OTULINL: variants seen among roughly 807,000 people sequenced by gnomAD.
OTULINL encodes the protein inactive ubiquitin thioesterase OTULINL.
OTULINL carries 42 observed loss-of-function variants against 43.9 expected under a neutral mutation model. The observed-to-expected ratio is 0.96, with a 90% CI of 0.75 to 1.24. The LOEUF (loss-of-function observed/expected upper bound fraction) is 1.24. Among genes scored for constraint, OTULINL ranks in the 50% most tolerant of loss-of-function variants. The probability of loss-of-function intolerance (pLI) is 0.00; values close to 1 mark genes in which losing one functional copy is unlikely to be tolerated. For synonymous variants in OTULINL, 172 were observed against 153.6 expected, an observed-to-expected ratio of 1.12 and a Z score of -0.88; for missense variants, 411 against 426.4, an observed-to-expected ratio of 0.96 and a Z score of 0.32.
rs1759641622 is a variant in OTULINL, at chr5:14,614,678, G to A, written c.*4364G>A. 1 of 398,664 alleles carries A rather than the reference G, an allele frequency of 2.5e-6. No homozygotes were observed. The highest frequency in any genetic ancestry group is 4.4e-6 in the Non-Finnish European group (1 of 226,086). The allele number at this position is 398,664 out of a possible 1,614,324, so 24.7% of individuals were successfully genotyped here. On this transcript the variant is annotated 3_prime_UTR_variant, in exon 8 of 8. Transcript: ENST00000274217. The stretch of plus-strand genomic sequence containing the variant: ...AGCCCGAAGTGTACACCATGTCTCT[G>A]CACTTGAAGCTCATGGAATGTGTTG...
intron 1 of OTULINL, among the ~76,000 whole-genome samples, chr5:14,588,299 T>G (rs561369313): frequency 6.6e-6 from 1 of 152,124 alleles, no homozygotes; most frequent in Non-Finnish European, 1.5e-5. Flanking sequence ...ATGGCCTGGC[T>G]TCCTTATGTT....
At position 14,600,984 on chromosome 5, in the gene OTULINL, C is replaced by G; in HGVS notation, c.84C>G (p.Ser28=). Reference sequence around the variant, plus strand: ...TCATAGGAAGTGACCAAGTTCACTCCTGGATGCTAGCTACAAGCCAAGCCT... The same window carrying G: ...TCATAGGAAGTGACCAAGTTCACTCGTGGATGCTAGCTACAAGCCAAGCCT... The part of the protein sequence containing the change: ...APAAGSDQVH[S]WMLATSQALD... The change falls in exon 2 of 8, where the codon TCC becomes TCG. Residue 28 remains serine (S), a synonymous_variant. Transcript: ENST00000274217. 1 of 1,505,576 alleles carries G rather than the reference C, an allele frequency of 6.6e-7. No homozygotes were observed. Among genetic ancestry groups the G allele is most frequent in the Non-Finnish European group, 8.9e-7 (1 of 1,129,894 alleles). 93.3% of individuals were successfully genotyped at this position (1,505,576 alleles called of 1,614,324 possible).
chr5:14,595,526 A>ATG lies in OTULINL; in HGVS notation c.65-5429_65-5428dup, dbSNP rs530223500. Among the ~76,000 whole-genome samples the ATG allele has an allele frequency of 1.7e-4, 24 of 143,184 alleles. 1 individual carries two copies. In the South Asian group the frequency reaches 5.3e-3, roughly 31 times the overall value. The allele number at this position is 143,184 out of a possible 152,430, so 93.9% of individuals were successfully genotyped here. A position where few individuals can be genotyped will look rare whatever the true frequency, so the allele number is the denominator to read the frequency against. ...AGTTTTGTTTTCAGGGTTTTGGGGT[A>ATG]TGTGTGTGTGTATTTGGTTTCCTGT... On this transcript the variant is annotated intron_variant, in intron 1 of 7. Transcript: ENST00000274217.
chr5:14,597,671 G>A (rs998495239), intron 1 of OTULINL, among the ~76,000 whole-genome samples: 4 of 152,194 alleles, frequency 2.6e-5, no homozygotes, highest in Non-Finnish European at 5.9e-5. Flanking sequence ...TGAACAGCTC[G>A]TATAGATCCT....
At chr5:14,608,680 A>G (rs1321095912) in intron 6 of OTULINL, 68 bp from the exon 7 acceptor site, 1 of 1,229,806 alleles carries the variant, frequency 8.1e-7, no homozygotes. Context: ...TAAATACATT[A>G]AAAGTTATGG....
rs1257681069 is a variant in OTULINL at position 14,612,855 on chromosome 5, T to A, written c.*2541T>A. ...GGCCTTACGTGTCCATACTGAGGGG[T>A]TGTATGCATATTAGTACAAGGCTGA... On this transcript the variant is annotated 3_prime_UTR_variant, in exon 8 of 8. Transcript: ENST00000274217. 6.6e-6 allele frequency: 1 copy of A among 151,422 alleles called. No individual in the cohort carries two copies. Among genetic ancestry groups the A allele is most frequent in the Non-Finnish European group, 1.5e-5 (1 of 67,900 alleles). The allele number at this position is 151,422 out of a possible 1,614,324, so 9.4% of individuals were successfully genotyped here.
intron 1 of OTULINL, among the ~76,000 whole-genome samples, chr5:14,594,849 T>C (rs1388253074): frequency 6.6e-6 from 1 of 151,972 alleles, no homozygotes; most frequent in Non-Finnish European, 1.5e-5. Context: ...CTCTGCTTGC[T>C]CACCCACCCC....
rs1759656429 is a variant in OTULINL, at chr5:14,615,384, T to G, written c.*5070T>G. 1.8e-5 allele frequency among the ~76,000 whole-genome samples: 1 copy of G among 55,468 alleles called. No individual in the cohort carries two copies. The allele number at this position is 55,468 out of a possible 152,430, so 36.4% of individuals were successfully genotyped here. On this transcript the variant is annotated 3_prime_UTR_variant, in exon 8 of 8. Coordinates refer to ENST00000274217, the MANE Select transcript of OTULINL (RefSeq NM_019018.3). ...ACCTGGACTTCCTTTGGGTGCCGGC[T>G]TTTCTGCTGGACTAAGATTCATGGA...
chr5:14,599,423 G>A (rs1164101743), intron 1 of OTULINL, among the ~76,000 whole-genome samples: 1 of 151,994 alleles, frequency 6.6e-6, no homozygotes, highest in African/African-American at 2.4e-5. Flanking sequence ...GGGAGGCAGA[G>A]GTTATGGTGA....
Position 14,581,942 on chromosome 5 carries a change from T to C in OTULINL, c.48T>C (p.Ser16=), listed in dbSNP as rs1412536288. The part of the protein sequence containing the change: ...SPTRARERER[S]GAPAAGSDQV... The stretch of plus-strand genomic sequence containing the variant: ...CGCGGGCAAGGGAGCGGGAGCGGTC[T>C]GGCGCTCCCGCCGCAGGTGAGCCTG... The change falls in exon 1 of 8, where the codon TCT becomes TCC. Residue 16 remains serine, a synonymous_variant. Transcript: ENST00000274217. 6 of 1,354,826 alleles carry C rather than the reference T, an allele frequency of 4.4e-6. No homozygotes were observed. The East Asian group carries it at 1.6e-4, about 36-fold the overall frequency. 83.9% of individuals were successfully genotyped at this position (1,354,826 alleles called of 1,614,324 possible). A position where few individuals can be genotyped will look rare whatever the true frequency, so the allele number is the denominator to read the frequency against.
Position 14,581,945 on chromosome 5 carries a change from C to A in OTULINL, c.51C>A (p.Gly17=). The change falls in exon 1 of 8, where the codon GGC becomes GGA. Residue 17 remains glycine (G), a synonymous_variant. Coordinates refer to ENST00000274217, the MANE Select transcript of OTULINL (RefSeq NM_019018.3). Reference sequence around the variant, plus strand: ...GGGCAAGGGAGCGGGAGCGGTCTGGCGCTCCCGCCGCAGGTGAGCCTGGGG... The same window carrying A: ...GGGCAAGGGAGCGGGAGCGGTCTGGAGCTCCCGCCGCAGGTGAGCCTGGGG... ...PTRARERERS[G]APAAGSDQVH... is the part of the protein sequence containing the mutation. 2 of 1,366,844 alleles carry A rather than the reference C, an allele frequency of 1.5e-6. No individual in the cohort carries two copies. The highest frequency in any genetic ancestry group is 1.9e-6 in the Non-Finnish European group (2 of 1,060,804). 84.7% of individuals were successfully genotyped at this position (1,366,844 alleles called of 1,614,324 possible). A position where few individuals can be genotyped will look rare whatever the true frequency, so the allele number is the denominator to read the frequency against.
chr5:14,614,624 C>T lies in OTULINL; in HGVS notation c.*4310C>T. The T allele has an allele frequency of 2.5e-6, 1 of 398,592 alleles. No homozygotes were observed. 24.7% of individuals were successfully genotyped at this position (398,592 alleles called of 1,614,324 possible). On this transcript the variant is annotated 3_prime_UTR_variant, in exon 8 of 8. Transcript: ENST00000274217. ...AAAAACACTCACTCACGTATTCAGC[C>T]ACGTATGGTCTGGAGTGCTCTGTAG...
At chr5:14,589,477 G>A (rs1759160982) in intron 1 of OTULINL, among the ~76,000 whole-genome samples, 1 of 152,082 alleles carries the variant, frequency 6.6e-6, no homozygotes, top group Admixed American at 6.5e-5. Context: ...GAGGGGTCAG[G>A]GTCAGACCAT....
rs370014041 is a variant in OTULINL at position 14,601,049 on chromosome 5, T to C, written c.149T>C (p.Leu50Ser). 77 of 1,613,702 alleles carry C rather than the reference T, an allele frequency of 4.8e-5. No individual in the cohort carries two copies. In the African/African-American group the frequency reaches 9.3e-4, roughly 20 times the overall value. The change falls in exon 2 of 8, where the codon TTG becomes TCG. Residue 50 changes from leucine to serine, a missense_variant. Leu to Ser is a moderately radical substitution (Grantham distance 145). Transcript: ENST00000274217. ...VWRMAKGFVM[L>S]AVSFLVAAIC... ...AGAATGGCAAAAGGCTTTGTGATGT[T>C]GGCAGTTTCATTTCTGGTGGCTGCC...
chr5:14,614,833 C>A lies in OTULINL; in HGVS notation c.*4519C>A. 2.5e-6 allele frequency: 1 copy of A among 398,152 alleles called. No homozygotes were observed. Among genetic ancestry groups the A allele is most frequent in the South Asian group, 1.3e-4 (1 of 7,484 alleles). The allele number at this position is 398,152 out of a possible 1,614,324, so 24.7% of individuals were successfully genotyped here. On this transcript the variant is annotated 3_prime_UTR_variant, in exon 8 of 8. Transcript: ENST00000274217. ...GGTGTCTCGTTCTGTTTAAAAAAATCAAATTTCTGTATGTAATTGACGTAT... is the reference window on the plus strand; with the variant it reads ...GGTGTCTCGTTCTGTTTAAAAAAATAAAATTTCTGTATGTAATTGACGTAT...
At position 14,592,506 on chromosome 5, in the gene OTULINL, G is replaced by A. The variant is rs138173813; in HGVS notation, c.65-8459G>A. 8.5e-5 allele frequency among the ~76,000 whole-genome samples: 13 copies of A among 152,224 alleles called. No homozygotes were observed. The East Asian group carries it at 2.5e-3, about 29-fold the overall frequency. On this transcript the variant is annotated intron_variant, in intron 1 of 7. Transcript: ENST00000274217. ...CAAAAAGTGAAGCATTCCTGTTAGA[G>A]CTCATCAGATGACCAGATCCACAGT...
intron 1 of OTULINL, among the ~76,000 whole-genome samples, chr5:14,585,015 C>T (rs1265262712): frequency 1.3e-5 from 2 of 152,058 alleles, no homozygotes; most frequent in Non-Finnish European, 2.9e-5. Context: ...GCAAAAGGAG[C>T]GATGAGAAGT....
At chr5:14,597,119 T>C (rs1759300753) in intron 1 of OTULINL, among the ~76,000 whole-genome samples, 4 of 152,090 alleles carry the variant, frequency 2.6e-5, no homozygotes, top group Admixed American at 2.6e-4. Context: ...CCCCTCAAAG[T>C]TTTCTCTGCA....
rs1229594748 is a variant in OTULINL at position 14,613,856 on chromosome 5, A to G, written c.*3542A>G. ...AGGGGGCATTAACGTTAATTTTCCC[A>G]GGACTTTTCTGCAAATGGGTATTGG... is the stretch of plus-strand genomic sequence containing the variant. On this transcript the variant is annotated 3_prime_UTR_variant, in exon 8 of 8. Transcript: ENST00000274217. 6.6e-6 allele frequency among the ~76,000 whole-genome samples: 1 copy of G among 152,194 alleles called. No homozygotes were observed. The highest frequency in any genetic ancestry group is 1.5e-5 in the Non-Finnish European group (1 of 68,036).
Sources: allele counts gnomAD v4.1 joint callset (sites outside exome capture counted in the v4.1 genomes callset), GRCh38; gene constraint gnomAD v4.1.1; transcripts MANE v1.5; gene names NCBI Gene and HGNC (gene_info 2026-07-23, HGNC 2026-07-21).